The following CERS6 variants were observed in gnomAD, a reference collection of about 807,000 sequenced individuals.
CERS6 encodes ceramide synthase 6.
In CERS6, 26 loss-of-function variants were observed where a neutral mutation model predicts 56.8. The observed-to-expected ratio is 0.46, with a 90% CI of 0.34 to 0.63. The LOEUF (loss-of-function observed/expected upper bound fraction) is 0.63, where lower values mean the gene tolerates loss of function less well. Among genes scored for constraint, CERS6 ranks in the 30% least tolerant of loss-of-function variants. The pLI, the probability that CERS6 is intolerant of heterozygous loss-of-function variation, is 0.01. For synonymous variants in CERS6, 164 were observed against 173.3 expected (o/e 0.95, Z 0.42); for missense variants, 415 against 467.5 (o/e 0.89, Z 1.04).
chr2:168,678,631 T>C lies in CERS6; in HGVS notation c.466-12403T>C, dbSNP rs150156365. 6.3e-3 allele frequency among the ~76,000 whole-genome samples: 964 copies of C among 152,278 alleles called. 12 individuals carry two copies. The highest frequency in any genetic ancestry group is 0.031 in the Middle Eastern group (9 of 294). On this transcript the variant is annotated intron_variant, in intron 4 of 9. Transcript: ENST00000305747. Reference sequence around the variant, plus strand: ...TTTACTGCCAGCTCTCCATTCCTGGTGGGGGTTGGGAGCCTTGAGGAGGTG... The same window carrying C: ...TTTACTGCCAGCTCTCCATTCCTGGCGGGGGTTGGGAGCCTTGAGGAGGTG...
At chr2:168,655,881 A>G (rs726871) in intron 4 of CERS6, among the ~76,000 whole-genome samples, 2,602 of 152,336 alleles carry the variant, frequency 0.017, 105 homozygotes, top group East Asian at 0.16. Context: ...CACATGCACA[A>G]AGAAGAAACT....
At chr2:168,631,738 CAT>C (rs1209214383) in intron 4 of CERS6, among the ~76,000 whole-genome samples, 6 of 108,040 alleles carry the variant, frequency 5.6e-5, no homozygotes, top group Non-Finnish European at 8.8e-5. Flanking sequence ...TTATATATAA[CAT>C]AATTATATAT....
intron 1 of CERS6, among the ~76,000 whole-genome samples, chr2:168,542,972 C>T (rs1467477250): frequency 6.6e-6 from 1 of 152,226 alleles, no homozygotes; most frequent in Non-Finnish European, 1.5e-5. Flanking sequence ...GCTGGGATTA[C>T]AGGCGTGAGC....
chr2:168,561,476 T>C (rs1005671899), intron 3 of CERS6, among the ~76,000 whole-genome samples, 154 bp downstream of exon 3: 1 of 152,214 alleles, frequency 6.6e-6, no homozygotes, highest in African/African-American at 2.4e-5. Flanking sequence ...AACAGTAGTT[T>C]GTAAGAATTT....
intron 3 of CERS6, among the ~76,000 whole-genome samples, chr2:168,582,337 A>T (rs1352161603): frequency 6.6e-6 from 1 of 152,200 alleles, no homozygotes; most frequent in East Asian, 1.9e-4. Flanking sequence ...CCTTTGGGCC[A>T]GAAGGAGCTG....
intron 4 of CERS6, among the ~76,000 whole-genome samples, chr2:168,674,875 T>C (rs1686014444): frequency 6.6e-6 from 1 of 152,226 alleles, no homozygotes; most frequent in Admixed American, 6.5e-5. Flanking sequence ...TAAATAGCTT[T>C]TGTTTATGTT....
chr2:168,746,133 A>G (rs925794898), intron 8 of CERS6, among the ~76,000 whole-genome samples: 2 of 152,154 alleles, frequency 1.3e-5, no homozygotes, highest in South Asian at 4.1e-4. Context: ...ACCACATGGG[A>G]GCTATGTGCC....
intron 1 of CERS6, among the ~76,000 whole-genome samples, chr2:168,510,102 A>AAAAC (rs1272336757): frequency 6.6e-6 from 1 of 152,142 alleles, no homozygotes; most frequent in Non-Finnish European, 1.5e-5. Flanking sequence ...GTAAAAAAAA[A>AAAAC]AAAAACCAAG....
intron 4 of CERS6, among the ~76,000 whole-genome samples, chr2:168,636,737 C>A (rs1325843492): frequency 2.6e-5 from 4 of 152,194 alleles, no homozygotes; most frequent in Non-Finnish European, 5.9e-5. Context: ...CTTCTACCTA[C>A]ATCTACCCTC....
At position 168,740,643 on chromosome 2, in the gene CERS6, C is replaced by T. The variant is rs567951056; in HGVS notation, c.845+22665C>T. Among the ~76,000 whole-genome samples, 10 of 152,284 alleles carry T rather than the reference C, an allele frequency of 6.6e-5. No individual in the cohort carries two copies. The South Asian group carries it at 1.2e-3, about 19-fold the overall frequency. On this transcript the variant is annotated intron_variant, in intron 8 of 9. Transcript: ENST00000305747. ...GAAGAATGAGTCTGGGTTAACTCAGCGCCTGGGGCATCACAGATCTACTGA... is the reference window on the plus strand; with the variant it reads ...GAAGAATGAGTCTGGGTTAACTCAGTGCCTGGGGCATCACAGATCTACTGA...
At chr2:168,737,701 A>G (rs1163939836) in intron 8 of CERS6, among the ~76,000 whole-genome samples, 1 of 152,220 alleles carries the variant, frequency 6.6e-6, no homozygotes, top group Non-Finnish European at 1.5e-5. Flanking sequence ...CTTTTCAAAA[A>G]CTGAATTCAA....
At chr2:168,714,861 A>T in intron 6 of CERS6, 140 bp from the exon 7 acceptor site, 1 of 683,428 alleles carries the variant, frequency 1.5e-6, no homozygotes, top group Non-Finnish European at 2.4e-6. Flanking sequence ...GAGGATAAGA[A>T]TTATACGTTA....
At chr2:168,540,722 G>A (rs2105368480) in intron 1 of CERS6, among the ~76,000 whole-genome samples, 1 of 152,326 alleles carries the variant, frequency 6.6e-6, no homozygotes, top group South Asian at 2.1e-4. Context: ...TTTCTGATGA[G>A]AAGAGCATTG....
Position 168,672,610 on chromosome 2 carries a change from G to T in CERS6, c.466-18424G>T, listed in dbSNP as rs1187796019. The stretch of plus-strand genomic sequence containing the variant: ...TAGTTTTTATTTCCAAGTAAATGGA[G>T]AAATAACTTGAGATCACATTTTCTA... On this transcript the variant is annotated intron_variant, in intron 4 of 9. Transcript: ENST00000305747. Among the ~76,000 whole-genome samples the T allele has an allele frequency of 2.0e-5, 3 of 152,166 alleles. No homozygotes were observed. The East Asian group carries it at 5.8e-4, about 29-fold the overall frequency.
chr2:168,542,028 G>A (rs2105369204), intron 1 of CERS6, among the ~76,000 whole-genome samples: 1 of 152,270 alleles, frequency 6.6e-6, no homozygotes, highest in African/African-American at 2.4e-5. Flanking sequence ...GAACAGAGAG[G>A]TCACTCTTTA....
intron 1 of CERS6, among the ~76,000 whole-genome samples, chr2:168,509,016 T>G (rs949059829): frequency 2.0e-5 from 3 of 152,176 alleles, no homozygotes; most frequent in African/African-American, 7.2e-5. Context: ...AGATGGTAAT[T>G]TAAGTGGTAA....
At position 168,709,062 on chromosome 2, in the gene CERS6, C is replaced by T. The variant is rs183681276; in HGVS notation, c.610-5939C>T. On this transcript the variant is annotated intron_variant, in intron 6 of 9. Transcript: ENST00000305747. ...TGTGAAGGGAGTTCCATTATATAGA[C>T]GTTCAGATCTGTGTCTCAATGAGAG... is the stretch of plus-strand genomic sequence containing the variant. Among the ~76,000 whole-genome samples the T allele has an allele frequency of 7.8e-4, 118 of 152,176 alleles. No individual in the cohort carries two copies. In the Middle Eastern group the frequency reaches 0.01, roughly 13 times the overall value.
chr2:168,515,835 ACTC>A (rs752923533), intron 1 of CERS6, among the ~76,000 whole-genome samples: 3 of 152,182 alleles, frequency 2.0e-5, no homozygotes, highest in Middle Eastern at 3.4e-3. Context: ...AGCTGACACT[ACTC>A]TGTAGCTTTC....
At chr2:168,632,913 C>T (rs748550603) in intron 4 of CERS6, among the ~76,000 whole-genome samples, 2 of 152,124 alleles carry the variant, frequency 1.3e-5, no homozygotes, top group Non-Finnish European at 2.9e-5. Flanking sequence ...TATAGCCTCT[C>T]TAGCTCTCAT....
Sources: allele counts gnomAD v4.1 joint callset (sites outside exome capture counted in the v4.1 genomes callset), GRCh38; gene constraint gnomAD v4.1.1; transcripts MANE v1.5; gene names NCBI Gene and HGNC (gene_info 2026-07-23, HGNC 2026-07-21).